Variants in JPH2 observed in about 807,000 individuals in gnomAD.
The protein encoded by JPH2 is junctophilin-2.
In JPH2, 38 loss-of-function variants were observed where a neutral mutation model predicts 55.9. That is an observed-to-expected ratio of 0.68 (90% CI 0.52 to 0.89). The LOEUF (loss-of-function observed/expected upper bound fraction) is 0.89. JPH2 is among the 40% of genes least tolerant of loss of function. The pLI, the probability that JPH2 is intolerant of heterozygous loss-of-function variation, is 0.00. For missense variants in JPH2, 964 were observed against 1,037.6 expected, an observed-to-expected ratio of 0.93 and a Z score of 0.97; for synonymous variants, 480 against 472.4, an observed-to-expected ratio of 1.02 and a Z score of -0.21.
intron 2 of JPH2, among the ~76,000 whole-genome samples, chr20:44,144,963 C>A (rs748640352): frequency 2.1e-5 from 2 of 97,350 alleles, no homozygotes; most frequent in East Asian, 2.9e-4. Flanking sequence ...ATGATCCCCA[C>A]CTTAGAGATG....
chr20:44,120,627 C>T (rs1045005994), intron 2 of JPH2, among the ~76,000 whole-genome samples: 5 of 152,242 alleles, frequency 3.3e-5, no homozygotes, highest in African/African-American at 4.8e-5. Context: ...ACCCAGGCAA[C>T]GTAACTCTAG....
At chr20:44,150,287 A>C (rs942809367) in intron 2 of JPH2, among the ~76,000 whole-genome samples, 1 of 152,244 alleles carries the variant, frequency 6.6e-6, no homozygotes, top group Non-Finnish European at 1.5e-5. Context: ...ATTCTACTTA[A>C]AGTAGCAGCA....
chr20:44,147,690 C>A (rs1482252138), intron 2 of JPH2, among the ~76,000 whole-genome samples: 1 of 152,130 alleles, frequency 6.6e-6, no homozygotes, highest in Non-Finnish European at 1.5e-5. Flanking sequence ...TGTGTAAGAT[C>A]TTCCTTGGAT....
chr20:44,172,929 C>G (rs2072708847), intron 1 of JPH2, among the ~76,000 whole-genome samples: 1 of 152,090 alleles, frequency 6.6e-6, no homozygotes, highest in Non-Finnish European at 1.5e-5. Context: ...GAGATTAAAA[C>G]CGCTTTTATA....
At chr20:44,147,278 G>T (rs1431619699) in intron 2 of JPH2, among the ~76,000 whole-genome samples, 4 of 152,184 alleles carry the variant, frequency 2.6e-5, no homozygotes, top group African/African-American at 9.7e-5. Context: ...TCAGCCCTGT[G>T]AGCAAGGATA....
intron 2 of JPH2, among the ~76,000 whole-genome samples, chr20:44,134,520 T>C: frequency 7.2e-5 from 1 of 13,798 alleles, no homozygotes; most frequent in Non-Finnish European, 1.1e-4. Context: ...TATATATTTA[T>C]AATAAATATA....
At position 44,112,271 on chromosome 20, in the gene JPH2, G is replaced by GA. The variant is rs1254970583; in HGVS notation, c.*1246_*1247insT. On this transcript the variant is annotated 3_prime_UTR_variant, in exon 6 of 6. Transcript: ENST00000372980. ...CACGTCCTTCCCCAGGCTTGGAGGGGCCTGGAAGCCCTTTCTCTCCATTCT... is the reference window on the plus strand; with the variant it reads ...CACGTCCTTCCCCAGGCTTGGAGGGGACCTGGAAGCCCTTTCTCTCCATTCT... 6.6e-6 allele frequency: 1 copy of GA among 152,288 alleles called. No homozygotes were observed. The highest frequency in any genetic ancestry group is 1.5e-5 in the Non-Finnish European group (1 of 68,132). The allele number at this position is 152,288 out of a possible 1,614,324, so 9.4% of individuals were successfully genotyped here. A position where few individuals can be genotyped will look rare whatever the true frequency, so the allele number is the denominator to read the frequency against.
rs542981330 is a variant in JPH2 at position 44,152,593 on chromosome 20, G to A, written c.1169+7025C>T. On this transcript the variant is annotated intron_variant, in intron 2 of 5. Transcript: ENST00000372980. ...TCCCAGAAATAAGGACTAGATGAAT[G>A]CATATTAAATAAAAATTAAATAAGC... Among the ~76,000 whole-genome samples the A allele has an allele frequency of 4.6e-5, 7 of 152,300 alleles. No homozygotes were observed. The South Asian group carries it at 1.4e-3, about 32-fold the overall frequency.
At chr20:44,118,156 C>T (rs959633118) in intron 3 of JPH2, among the ~76,000 whole-genome samples, 2 of 152,112 alleles carry the variant, frequency 1.3e-5, no homozygotes, top group African/African-American at 4.8e-5. Flanking sequence ...GTGCTCAATG[C>T]TTGACTGAAA....
Position 44,107,933 on chromosome 20 carries a change from A to G in JPH2, c.*5585T>C, listed in dbSNP as rs915150549. Among the ~76,000 whole-genome samples the G allele has an allele frequency of 1.1e-4, 16 of 152,346 alleles. No individual in the cohort carries two copies. In the South Asian group the frequency reaches 3.3e-3, roughly 32 times the overall value. On this transcript the variant is annotated 3_prime_UTR_variant, in exon 6 of 6. Coordinates refer to ENST00000372980, the MANE Select transcript of JPH2 (RefSeq NM_020433.5). Reference sequence around the variant, plus strand: ...TTCATGGTGGGCTCCTGGGACCACAACTCACAGCTTATGCTAACCAGATGG... The same window carrying G: ...TTCATGGTGGGCTCCTGGGACCACAGCTCACAGCTTATGCTAACCAGATGG...
chr20:44,174,566 G>T (rs982817031), intron 1 of JPH2, among the ~76,000 whole-genome samples: 2 of 152,220 alleles, frequency 1.3e-5, no homozygotes, highest in African/African-American at 4.8e-5. Context: ...TTGAGGTCAG[G>T]AGTTCGCGAC....
intron 2 of JPH2, among the ~76,000 whole-genome samples, chr20:44,156,467 G>A (rs2072567401): frequency 6.6e-6 from 1 of 152,158 alleles, no homozygotes. Flanking sequence ...GCCTGTCTTA[G>A]ACCATCTGTG....
intron 5 of JPH2, among the ~76,000 whole-genome samples, chr20:44,114,300 G>A (rs547398184): frequency 2.6e-5 from 4 of 152,318 alleles, no homozygotes; most frequent in South Asian, 2.1e-4. Flanking sequence ...AAGGGAGCAC[G>A]GAGATGAGTG....
intron 1 of JPH2, among the ~76,000 whole-genome samples, chr20:44,184,296 CTTT>C (rs1003333585): frequency 2.0e-5 from 3 of 151,176 alleles, no homozygotes; most frequent in East Asian, 1.9e-4. Context: ...TCTTCTTCTT[CTTT>C]TTTTCCATCA....
chr20:44,177,535 C>T (rs771168446), intron 1 of JPH2: 128 of 1,088,634 alleles, frequency 1.2e-4, no homozygotes, highest in Non-Finnish European at 1.4e-4. Flanking sequence ...GTCTGCTGTG[C>T]TCTCCTGGGG....
At chr20:44,126,011 C>T (rs578127525) in intron 2 of JPH2, among the ~76,000 whole-genome samples, 48 of 151,616 alleles carry the variant, frequency 3.2e-4, no homozygotes, top group African/African-American at 6.8e-4. Context: ...TAATGGACCC[C>T]GCTACTTGGA....
Position 44,118,516 on chromosome 20 carries a change from A to G in JPH2, c.1277T>C (p.Phe426Ser). The change falls in exon 3 of 6, where the codon TTC becomes TCC. Residue 426 changes from phenylalanine (F) to serine (S), a missense_variant. By Grantham distance (155) the Phe-to-Ser change is radical. Coordinates refer to ENST00000372980, the MANE Select transcript of JPH2 (RefSeq NM_020433.5). ...RTLARELAPD[F>S]YQPGPEYQKR... Reference sequence around the variant, plus strand: ...CTGGCTGGCCCTACCTGGCTGGTAGAAGTCCGGAGCCAGCTCCCTGGCCAA... The same window carrying G: ...CTGGCTGGCCCTACCTGGCTGGTAGGAGTCCGGAGCCAGCTCCCTGGCCAA... 1 of 1,612,888 alleles carries G rather than the reference A, an allele frequency of 6.2e-7. No individual in the cohort carries two copies. The highest frequency in any genetic ancestry group is 8.5e-7 in the Non-Finnish European group (1 of 1,179,852).
chr20:44,177,973 C>A, intron 1 of JPH2: 1 of 1,097,654 alleles, frequency 9.1e-7, no homozygotes, highest in South Asian at 1.2e-5. Flanking sequence ...TAACACATCC[C>A]TAAAGGAAAA....
chr20:44,182,141 G>C (rs2072789092), intron 1 of JPH2, among the ~76,000 whole-genome samples: 2 of 152,276 alleles, frequency 1.3e-5, no homozygotes, highest in South Asian at 4.1e-4. Context: ...GCAGGGCCAG[G>C]AGAATGACCC....
Sources: allele counts gnomAD v4.1 joint callset (sites outside exome capture counted in the v4.1 genomes callset), GRCh38; gene constraint gnomAD v4.1.1; transcripts MANE v1.5; gene names NCBI Gene and HGNC (gene_info 2026-07-23, HGNC 2026-07-21).